Variants in CUX1 observed in about 807,000 individuals in gnomAD.
CUX1 encodes protein CASP.
In CUX1, 31 loss-of-function variants were observed where a neutral mutation model predicts 158.8. That is an observed-to-expected ratio of 0.20 (90% CI 0.15 to 0.26). The LOEUF (loss-of-function observed/expected upper bound fraction) is 0.26. CUX1 is among the 10% of genes least tolerant of loss of function. The pLI is 1.00. For missense variants in CUX1, 1,589 were observed against 2,014.6 expected (o/e 0.79, Z 4.04); for synonymous variants, 879 against 862.1 (o/e 1.02, Z -0.34).
chr7:102,080,178 C>T (rs923724606), intron 4 of CUX1, among the ~76,000 whole-genome samples: 9 of 152,146 alleles, frequency 5.9e-5, no homozygotes, highest in African/African-American at 9.7e-5. Flanking sequence ...CCCGGTCCCT[C>T]GACACAGCAC....
In CUX1 at chr7:101,869,116, A is replaced by G. The variant is rs1798217529; in HGVS notation, c.31-46999A>G. Among the ~76,000 whole-genome samples the G allele has an allele frequency of 6.6e-6, 1 of 152,086 alleles. No homozygotes were observed. The highest frequency in any genetic ancestry group is 2.4e-5 in the African/African-American group (1 of 41,408). ...TGGGGCATGGACTTGGGCAGGTAGC[A>G]AAGGCCAGAAGGAGTGGGAGTCATT... is the stretch of plus-strand genomic sequence containing the variant. On this transcript the variant is annotated intron_variant, in intron 1 of 23. Transcript: ENST00000292535. The surrounding 1 kb of genome is among the most constrained non-coding windows in gnomAD (Gnocchi z 4.5).
At chr7:101,972,666 C>T (rs1812112961) in intron 2 of CUX1, among the ~76,000 whole-genome samples, 1 of 152,214 alleles carries the variant, frequency 6.6e-6, no homozygotes. Flanking sequence ...TGCTGGAGTT[C>T]AGCCGCCAAG....
At chr7:101,836,382 C>G (rs978916267) in intron 1 of CUX1, among the ~76,000 whole-genome samples, 3 of 152,120 alleles carry the variant, frequency 2.0e-5, no homozygotes, top group African/African-American at 7.2e-5. Context: ...TGAAACCACC[C>G]TGGGCAATAC....
intron 20 of CUX1, among the ~76,000 whole-genome samples, chr7:102,209,158 C>T (rs898820251): frequency 3.9e-5 from 6 of 152,212 alleles, no homozygotes; most frequent in Non-Finnish European, 7.3e-5. Context: ...TGAGAGCTCC[C>T]GTCAGCCTTT....
At chr7:101,937,649 T>C (rs1476568282) in intron 2 of CUX1, among the ~76,000 whole-genome samples, 1 of 152,056 alleles carries the variant, frequency 6.6e-6, no homozygotes, top group Non-Finnish European at 1.5e-5. Context: ...TAGCTGGGAC[T>C]ACAGGTACGT....
intron 21 of CUX1, among the ~76,000 whole-genome samples, chr7:102,282,133 G>A (rs1379442782): frequency 3.3e-5 from 5 of 152,296 alleles, no homozygotes; most frequent in East Asian, 3.9e-4. Flanking sequence ...GGCACCAGCC[G>A]GGCCGCTCCG....
chr7:102,048,131 A>T (rs1823033767), intron 3 of CUX1, among the ~76,000 whole-genome samples: 1 of 152,160 alleles, frequency 6.6e-6, no homozygotes, highest in Non-Finnish European at 1.5e-5. Context: ...CATCATCATC[A>T]TTCTGAGTTA....
intron 11 of CUX1, among the ~76,000 whole-genome samples, chr7:102,185,187 A>T (rs943883255): frequency 2.0e-5 from 3 of 152,140 alleles, no homozygotes; most frequent in African/African-American, 7.2e-5. Flanking sequence ...GCCAGATTCA[A>T]CCCCACCTAG....
intron 20 of CUX1, chr7:102,280,956 C>G: frequency 8.6e-7 from 1 of 1,156,206 alleles, no homozygotes; most frequent in Admixed American, 1.9e-5. Flanking sequence ...GCTGGAGGAG[C>G]CGCCAGCCCT....
intron 1 of CUX1, among the ~76,000 whole-genome samples, chr7:101,860,708 CCT>C (rs983785575): frequency 2.0e-5 from 3 of 151,594 alleles, no homozygotes; most frequent in South Asian, 2.1e-4. Context: ...TTTCCTTTAT[CCT>C]CTCTCTCTTT....
chr7:102,082,930 GTA>G (rs1433034523), intron 4 of CUX1, among the ~76,000 whole-genome samples: 2 of 147,782 alleles, frequency 1.4e-5, no homozygotes, highest in African/African-American at 4.8e-5. Flanking sequence ...TGTTACATAG[GTA>G]TATGTTTTTA....
Position 102,148,838 on chromosome 7 carries a change from C to A in CUX1, c.675-9722C>A, listed in dbSNP as rs200263653. Among the ~76,000 whole-genome samples, 21 of 151,312 alleles carry A rather than the reference C, an allele frequency of 1.4e-4. No homozygotes were observed. In the East Asian group the frequency reaches 4.1e-3, roughly 29 times the overall value. ...CAATATATAGTCTTTTTTCCCTCAC[C>A]CCCCTCCCACCCTTTCCCCGCAAGT... On this transcript the variant is annotated intron_variant, in intron 8 of 23. Transcript: ENST00000292535.
rs533396630 is a variant in CUX1, at chr7:101,857,980, G to A, written c.30+40311G>A. Among the ~76,000 whole-genome samples, 6 of 152,222 alleles carry A rather than the reference G, an allele frequency of 3.9e-5. No homozygotes were observed. In the East Asian group the frequency reaches 5.8e-4, roughly 15 times the overall value. On this transcript the variant is annotated intron_variant, in intron 1 of 23. Coordinates refer to ENST00000292535, the MANE Select transcript of CUX1 (RefSeq NM_181552.4). ...TCTACTAAAAATACAAAAATTAGCC[G>A]AATGTGGTGGCACGCACCTGTACTC...
At chr7:102,279,727 C>T (rs1791909706) in intron 18 of CUX1, among the ~76,000 whole-genome samples, 1 of 152,178 alleles carries the variant, frequency 6.6e-6, no homozygotes, top group Non-Finnish European at 1.5e-5. Flanking sequence ...GCTCGCATGA[C>T]CACCCCACAC....
chr7:101,844,708 C>T (rs572153544), intron 1 of CUX1, among the ~76,000 whole-genome samples: 6 of 152,274 alleles, frequency 3.9e-5, no homozygotes, highest in African/African-American at 9.6e-5. Flanking sequence ...CTCCGCCTCC[C>T]GGGTTCAAGT....
rs1233653936 is a variant in CUX1 at position 102,249,502 on chromosome 7, G to C, written c.*460G>C. 68 of 985,790 alleles carry C rather than the reference G, an allele frequency of 6.9e-5. No individual in the cohort carries two copies. Among genetic ancestry groups the C allele is most frequent in the Non-Finnish European group, 7.8e-5 (65 of 829,956 alleles). 61.1% of individuals were successfully genotyped at this position (985,790 alleles called of 1,614,324 possible). On this transcript the variant is annotated 3_prime_UTR_variant, in exon 24 of 24. Transcript: ENST00000292535. Reference sequence around the variant, plus strand: ...TGAAGTGTTTTTTTTATTGCCCTAAGTGATTTCCACAGGTTCTGGAATAAC... The same window carrying C: ...TGAAGTGTTTTTTTTATTGCCCTAACTGATTTCCACAGGTTCTGGAATAAC...
At chr7:102,190,138 A>T (rs1012599481) in intron 12 of CUX1, among the ~76,000 whole-genome samples, 3 of 152,258 alleles carry the variant, frequency 2.0e-5, no homozygotes, top group South Asian at 2.1e-4. Context: ...AATCAGGGGC[A>T]TAGGGCTTTT....
chr7:102,025,803 T>C (rs1819951078), intron 2 of CUX1, among the ~76,000 whole-genome samples: 1 of 152,114 alleles, frequency 6.6e-6, no homozygotes, highest in African/African-American at 2.4e-5. Context: ...AAAAGGGAAA[T>C]TATAATGCTT....
intron 2 of CUX1, among the ~76,000 whole-genome samples, chr7:101,951,932 A>T (rs1809113022): frequency 1.3e-5 from 2 of 152,266 alleles, no homozygotes; most frequent in African/African-American, 4.8e-5. Context: ...ACTCTGCTGT[A>T]AAGTAGCCAT....
Sources: allele counts gnomAD v4.1 joint callset (sites outside exome capture counted in the v4.1 genomes callset), GRCh38; gene constraint gnomAD v4.1.1; non-coding constraint Gnocchi (gnomAD v3.1); transcripts MANE v1.5; gene names NCBI Gene and HGNC (gene_info 2026-07-23, HGNC 2026-07-21).